The following TAB2 variants were observed in gnomAD, a reference collection of about 807,000 sequenced individuals.
TAB2 encodes the protein TGF-beta-activated kinase 1 and MAP3K7-binding protein 2.
TAB2 carries 3 observed loss-of-function variants against 65.0 expected under a neutral mutation model. The ratio of observed to expected loss-of-function variants is 0.05; its 90% CI spans 0.02 to 0.12. The LOEUF (loss-of-function observed/expected upper bound fraction) is 0.12, where lower values mean the gene tolerates loss of function less well. Among genes scored for constraint, TAB2 ranks in the 10% least tolerant of loss-of-function variants. TAB2 has a pLI of 1.00. For missense variants in TAB2, 623 were observed against 840.3 expected, an observed-to-expected ratio of 0.74 and a Z score of 3.20; for synonymous variants, 298 against 285.1, an observed-to-expected ratio of 1.05 and a Z score of -0.46.
intron 6 of TAB2, among the ~76,000 whole-genome samples, chr6:149,405,341 T>G (rs561894065): frequency 2.0e-5 from 3 of 152,230 alleles, no homozygotes; most frequent in Non-Finnish European, 2.9e-5. Context: ...GCAGCTATTA[T>G]GAAAAACAGC....
At chr6:149,292,419 C>G (rs1433078368) in intron 1 of TAB2, among the ~76,000 whole-genome samples, 3 of 152,068 alleles carry the variant, frequency 2.0e-5, no homozygotes, top group Non-Finnish European at 4.4e-5. Flanking sequence ...TATTAGTAAG[C>G]AACAGATTGG....
chr6:149,283,849 A>AT (rs1283822842), intron 1 of TAB2, among the ~76,000 whole-genome samples: 3 of 152,130 alleles, frequency 2.0e-5, no homozygotes, highest in African/African-American at 4.8e-5. Context: ...TATTACTTTA[A>AT]TTTTTTTAAA....
intron 3 of TAB2, among the ~76,000 whole-genome samples, chr6:149,391,058 A>G (rs377501774): frequency 6.6e-6 from 1 of 152,178 alleles, no homozygotes; most frequent in African/African-American, 2.4e-5. Flanking sequence ...CATGTCTTTA[A>G]GTATTTTCCT....
chr6:149,329,383 C>A (rs988941306), intron 1 of TAB2, among the ~76,000 whole-genome samples: 4 of 152,006 alleles, frequency 2.6e-5, no homozygotes, highest in Non-Finnish European at 5.9e-5. Flanking sequence ...TCACACATGC[C>A]CTGGGTGCAT....
At chr6:149,360,897 G>T (rs994919231) in intron 1 of TAB2, among the ~76,000 whole-genome samples, 9 of 152,324 alleles carry the variant, frequency 5.9e-5, no homozygotes, top group African/African-American at 1.9e-4. Flanking sequence ...GCTTCATACA[G>T]GTTTAAAACC....
intron 1 of TAB2, among the ~76,000 whole-genome samples, chr6:149,353,228 GTGCTGCTGC>G (rs142975108): frequency 6.6e-5 from 10 of 151,730 alleles, no homozygotes; most frequent in South Asian, 2.1e-4. Flanking sequence ...AAAGCTCTGG[GTGCTGCTGC>G]TGCTGCTGCT....
intron 1 of TAB2, among the ~76,000 whole-genome samples, chr6:149,262,852 G>A (rs1356827907): frequency 1.3e-5 from 2 of 151,622 alleles, no homozygotes; most frequent in Non-Finnish European, 2.9e-5. Flanking sequence ...CACCCAGACT[G>A]GAGTGCTGTG....
At chr6:149,371,887 T>TG (rs1781238476) in intron 2 of TAB2, among the ~76,000 whole-genome samples, 1 of 151,990 alleles carries the variant, frequency 6.6e-6, no homozygotes, top group Non-Finnish European at 1.5e-5. Context: ...AAAGAAAGTG[T>TG]GGGAAAGGAG....
chr6:149,355,757 T>G (rs1361633766), intron 1 of TAB2, among the ~76,000 whole-genome samples: 1 of 152,134 alleles, frequency 6.6e-6, no homozygotes, highest in East Asian at 1.9e-4. Flanking sequence ...TGTCTTTTGA[T>G]TACCTTACTT....
upstream of TAB2, among the ~76,000 whole-genome samples, chr6:149,312,939 C>G (rs945683472): frequency 6.6e-6 from 1 of 152,058 alleles, no homozygotes; most frequent in African/African-American, 2.4e-5. Flanking sequence ...ATCTCTTGAA[C>G]TTATTCCTCT....
chr6:149,381,191 A>C (rs773928736), intron 3 of TAB2, among the ~76,000 whole-genome samples: 1 of 152,232 alleles, frequency 6.6e-6, no homozygotes, highest in Non-Finnish European at 1.5e-5. Flanking sequence ...TTAGGGGTAC[A>C]TGAGTGATTT....
chr6:149,307,789 C>G (rs1779095758), intron 1 of TAB2, among the ~76,000 whole-genome samples: 2 of 152,114 alleles, frequency 1.3e-5, no homozygotes, highest in African/African-American at 4.8e-5. Context: ...TATTAGTAAT[C>G]TAGTCATTGC....
At position 149,401,047 on chromosome 6, in the gene TAB2, C is replaced by T. The variant is rs547160629; in HGVS notation, c.1939+1863C>T. On this transcript the variant is annotated intron_variant, in intron 6 of 6. Transcript: ENST00000637181. The stretch of plus-strand genomic sequence containing the variant: ...TATTTTGCTCTCACTGTTTTAACAA[C>T]AACAAAAAAAAATTCTCACATACCT... 2.2e-4 allele frequency: 43 copies of T among 198,212 alleles called. 2 individuals are homozygous for T. In the South Asian group the frequency reaches 6.8e-3, roughly 31 times the overall value. The allele number at this position is 198,212 out of a possible 1,614,324, so 12.3% of individuals were successfully genotyped here. A position where few individuals can be genotyped will look rare whatever the true frequency, so the allele number is the denominator to read the frequency against.
chr6:149,400,255 C>A, intron 6 of TAB2: 1 of 931,526 alleles, frequency 1.1e-6, no homozygotes, highest in Non-Finnish European at 1.6e-6. Flanking sequence ...GGGGAGGGAG[C>A]CCAGGATGTG....
intron 1 of TAB2, among the ~76,000 whole-genome samples, chr6:149,239,713 C>G (rs567550561): frequency 6.6e-6 from 1 of 152,274 alleles, no homozygotes; most frequent in East Asian, 1.9e-4. Flanking sequence ...GGTTACTTCC[C>G]CAAGGCTCAG....
chr6:149,365,642 T>C (rs1223084011), intron 1 of TAB2, among the ~76,000 whole-genome samples: 1 of 152,142 alleles, frequency 6.6e-6, no homozygotes, highest in Non-Finnish European at 1.5e-5. Context: ...ATTTTAAATC[T>C]GTAAATTTAT....
intron 6 of TAB2, among the ~76,000 whole-genome samples, chr6:149,409,132 A>G (rs1331233752): frequency 2.0e-5 from 3 of 152,226 alleles, no homozygotes; most frequent in African/African-American, 7.2e-5. Flanking sequence ...GATGGAGAAC[A>G]TGAATTGACA....
At chr6:149,256,120 T>C (rs1249127868) in intron 1 of TAB2, among the ~76,000 whole-genome samples, 1 of 152,032 alleles carries the variant, frequency 6.6e-6, no homozygotes, top group African/African-American at 2.4e-5. Flanking sequence ...TGGTTACTAT[T>C]AAAAAGAAGG....
Position 149,379,379 on chromosome 6 carries a change from A to G in TAB2, c.1464A>G (p.Thr488=), listed in dbSNP as rs1186412953. Residue 488 remains threonine (T), a synonymous_variant, in exon 3 of 7, where the codon ACA becomes ACG. Coordinates refer to ENST00000637181, the MANE Select transcript of TAB2 (RefSeq NM_001292034.3). ...TGGTGTCCCCTACCTTTGAACTTAC[A>G]AATCTTCTTAATCATCCTGATCATT... ...PGVVSPTFEL[T]NLLNHPDHYV... The G allele has an allele frequency of 3.1e-6, 5 of 1,614,074 alleles. No homozygotes were observed. Among genetic ancestry groups the G allele is most frequent in the East Asian group, 2.2e-5 (1 of 44,898 alleles).
Sources: allele counts gnomAD v4.1 joint callset (sites outside exome capture counted in the v4.1 genomes callset), GRCh38; gene constraint gnomAD v4.1.1; transcripts MANE v1.5; gene names NCBI Gene and HGNC (gene_info 2026-07-23, HGNC 2026-07-21).